Variants in ZNF469 observed in about 807,000 individuals in gnomAD.
ZNF469 encodes zinc finger protein 469.
In ZNF469, 1 loss-of-function variant was observed where a neutral mutation model predicts 1.0. The observed-to-expected ratio is 1.00, with a 90% CI of 0.35 to 4.73. ZNF469 has a LOEUF of 4.73. Among genes scored for constraint, ZNF469 ranks in the 30% most tolerant of loss-of-function variants. The pLI is 0.16. For synonymous variants in ZNF469, 2,703 were observed against 2,363.4 expected (o/e 1.14, Z -4.17); for missense variants, 6,100 against 5,356.3 (o/e 1.14, Z -4.33).
At chr16:88,224,273 T>A in the ZNF469 span, among the ~76,000 whole-genome samples, 1 of 152,204 alleles carries the variant, frequency 6.6e-6, no homozygotes, top group African/African-American at 2.4e-5. Context: ...CTGTCCCTCC[T>A]GACCCCAGGA....
the ZNF469 span, among the ~76,000 whole-genome samples, chr16:88,279,826 G>C: frequency 7.0e-6 from 1 of 142,292 alleles, no homozygotes; most frequent in African/African-American, 2.6e-5. Flanking sequence ...GTAGATATCA[G>C]TGCACGGTTA....
the ZNF469 span, among the ~76,000 whole-genome samples, chr16:88,326,928 C>A: frequency 6.6e-6 from 1 of 152,230 alleles, no homozygotes; most frequent in African/African-American, 2.4e-5. Context: ...AGCACCCCCA[C>A]CTCTCTCGGC....
the ZNF469 span, among the ~76,000 whole-genome samples, chr16:88,272,472 G>T: frequency 7.5e-6 from 1 of 132,662 alleles, no homozygotes; most frequent in African/African-American, 2.7e-5. Context: ...ATGAACAGGG[G>T]GGTGTATGGA....
the ZNF469 span, among the ~76,000 whole-genome samples, chr16:88,164,867 GACACTTCCCGTGGGGTTGGATCACAGTCT>G: frequency 6.6e-6 from 1 of 152,204 alleles, no homozygotes; most frequent in Admixed American, 6.5e-5. Context: ...ACCAGCACAG[GACACTTCCCGTGGGGTTGGATCACAGTCT>G]ACACTGAGCG....
the ZNF469 span, among the ~76,000 whole-genome samples, chr16:88,328,279 G>A: frequency 6.6e-6 from 1 of 152,258 alleles, no homozygotes; most frequent in African/African-American, 2.4e-5. Context: ...TAAAATGCCT[G>A]TAGAGGAACA....
chr16:88,238,414 A>G, the ZNF469 span, among the ~76,000 whole-genome samples: 1 of 152,144 alleles, frequency 6.6e-6, no homozygotes, highest in African/African-American at 2.4e-5. Flanking sequence ...GAGACCCTAG[A>G]TAGATAGACC....
At chr16:88,250,152 T>C in the ZNF469 span, among the ~76,000 whole-genome samples, 1 of 152,198 alleles carries the variant, frequency 6.6e-6, no homozygotes, top group East Asian at 1.9e-4. Flanking sequence ...ACCAATCAGA[T>C]CAGGAAACGG....
chr16:88,275,127 G>A, the ZNF469 span, among the ~76,000 whole-genome samples: 5 of 152,324 alleles, frequency 3.3e-5, no homozygotes, highest in Admixed American at 2.0e-4. Context: ...ACCTGGAAAC[G>A]ATTAATTAAT....
chr16:88,186,517 T>G, the ZNF469 span, among the ~76,000 whole-genome samples: 1 of 152,220 alleles, frequency 6.6e-6, no homozygotes, highest in East Asian at 1.9e-4. Flanking sequence ...TCCCGAAGCC[T>G]GCACTTCAGC....
At chr16:88,393,453 TAG>T (rs1191441108) in intron 1 of ZNF469, among the ~76,000 whole-genome samples, 1 of 152,230 alleles carries the variant, frequency 6.6e-6, no homozygotes, top group East Asian at 1.9e-4. Flanking sequence ...GGGGAATAAT[TAG>T]AGTCTCCAGA....
chr16:88,200,589 A>T, the ZNF469 span, among the ~76,000 whole-genome samples: 1 of 152,240 alleles, frequency 6.6e-6, no homozygotes, highest in Non-Finnish European at 1.5e-5. Flanking sequence ...GCTCCGCCTA[A>T]GCTGCTGCTT....
Position 88,432,702 on chromosome 16 carries a change from C to T in ZNF469, c.5232C>T (p.Asp1744=), listed in dbSNP as rs1352606079. 1 of 1,550,446 alleles carries T rather than the reference C, an allele frequency of 6.4e-7. No individual in the cohort carries two copies. Among genetic ancestry groups the T allele is most frequent in the Non-Finnish European group, 8.7e-7 (1 of 1,147,000 alleles). ...DAGSLAKCSP[D]QELSFPKNKE... is the part of the protein sequence containing the mutation. ...GGAGTTTAGCAAAGTGCAGCCCCGACCAGGAACTTTCATTTCCTAAGAATA... is the reference window on the plus strand; with the variant it reads ...GGAGTTTAGCAAAGTGCAGCCCCGATCAGGAACTTTCATTTCCTAAGAATA... The change falls in exon 3 of 3, where the codon GAC becomes GAT. Residue 1744 remains aspartate, a synonymous_variant. Coordinates refer to ENST00000565624, the MANE Select transcript of ZNF469 (RefSeq NM_001367624.2).
chr16:88,387,507 T>G (rs1904369461), intron 1 of ZNF469, among the ~76,000 whole-genome samples: 1 of 152,106 alleles, frequency 6.6e-6, no homozygotes, highest in Non-Finnish European at 1.5e-5. Context: ...GACCAGAAAG[T>G]GAGACCAGCG....
the ZNF469 span, among the ~76,000 whole-genome samples, chr16:88,281,781 C>A: frequency 6.6e-6 from 1 of 151,326 alleles, no homozygotes; most frequent in Non-Finnish European, 1.5e-5. Flanking sequence ...TGTGCCACAC[C>A]GATGCTTGGT....
chr16:88,102,661 C>T, the ZNF469 span, among the ~76,000 whole-genome samples: 3 of 152,160 alleles, frequency 2.0e-5, no homozygotes, highest in African/African-American at 4.8e-5. Context: ...CACAAGGTAC[C>T]GACAGCCCTC....
intron 1 of ZNF469, among the ~76,000 whole-genome samples, chr16:88,390,011 GTTCGTCCTTGCACAGCCTC>G (rs1169082930): frequency 6.6e-6 from 1 of 152,234 alleles, no homozygotes; most frequent in Non-Finnish European, 1.5e-5. Flanking sequence ...AGATGACGCT[GTTCGTCCTTGCACAGCCTC>G]CTCCCAAGGG....
chr16:88,124,276 C>T, the ZNF469 span, among the ~76,000 whole-genome samples: 1 of 152,352 alleles, frequency 6.6e-6, no homozygotes, highest in East Asian at 1.9e-4. Context: ...CTCTGTCACC[C>T]AGGCTGGAGT....
At chr16:88,217,478 A>G in the ZNF469 span, among the ~76,000 whole-genome samples, 8 of 151,224 alleles carry the variant, frequency 5.3e-5, no homozygotes, top group South Asian at 1.1e-3. Flanking sequence ...TTTAGGGTAC[A>G]TGTGCACATT....
chr16:88,273,365 T>C, the ZNF469 span, among the ~76,000 whole-genome samples: 1 of 151,782 alleles, frequency 6.6e-6, no homozygotes, highest in East Asian at 1.9e-4. Context: ...ATATAGAACT[T>C]ATTTTACAAA....
Sources: gnomAD v4.1 joint callset for allele counts (sites outside exome capture counted in the v4.1 genomes callset) on GRCh38, gnomAD v4.1.1 for gene constraint, MANE v1.5 for transcripts, NCBI Gene and HGNC (gene_info 2026-07-23, HGNC 2026-07-21) for gene names.